ELP1: variants seen among roughly 807,000 people sequenced by gnomAD.
The protein encoded by ELP1 is elongator complex protein 1.
ELP1 carries 131 observed loss-of-function variants against 183.2 expected under a neutral mutation model. The ratio of observed to expected loss-of-function variants is 0.72; its 90% CI spans 0.62 to 0.83. The LOEUF (loss-of-function observed/expected upper bound fraction) is 0.83. Among genes scored for constraint, ELP1 ranks in the 40% least tolerant of loss-of-function variants. ELP1 has a pLI of 0.00. For synonymous variants in ELP1, 555 were observed against 569.0 expected (o/e 0.98, Z 0.35); for missense variants, 1,550 against 1,594.9 (o/e 0.97, Z 0.48).
At chr9:108,907,097 G>A (rs890298160) in intron 13 of ELP1, among the ~76,000 whole-genome samples, 8 of 152,032 alleles carry the variant, frequency 5.3e-5, no homozygotes, top group Non-Finnish European at 8.8e-5. Context: ...ATCTCTCCCC[G>A]GACTCAGGCT....
In ELP1 at chr9:108,889,322, T is replaced by A; in HGVS notation, c.3222+10A>T. On this transcript the variant is annotated intron_variant, in intron 29 of 36. Transcript: ENST00000374647. ...GACTGGGGGGTTTAGAAGGGAGGAA[T>A]TGAGTTTACCTGGGCACACTCTTCC... is the stretch of plus-strand genomic sequence containing the variant. 1.9e-6 allele frequency: 3 copies of A among 1,613,192 alleles called. No individual in the cohort carries two copies. The highest frequency in any genetic ancestry group is 1.7e-6 in the Non-Finnish European group (2 of 1,179,178).
At chr9:108,903,702 G>C in intron 14 of ELP1, 33 bp from the exon 15 acceptor site, 1 of 1,495,164 alleles carries the variant, frequency 6.7e-7, no homozygotes, top group Non-Finnish European at 9.3e-7. Context: ...AGTGTAAACA[G>C]ACCATTTTTC....
At chr9:108,876,585 C>T (rs1827715789) in intron 35 of ELP1, among the ~76,000 whole-genome samples, 1 of 152,194 alleles carries the variant, frequency 6.6e-6, no homozygotes, top group East Asian at 1.9e-4. Context: ...CTATCCACTG[C>T]TTGTGGTGCT....
At position 108,919,294 on chromosome 9, in the gene ELP1, T is replaced by TC. The variant is rs752490541; in HGVS notation, c.607dup (p.Asp203GlyfsTer33). On this transcript the variant is annotated frameshift_variant, in exon 7 of 37. Transcript: ENST00000374647. LOFTEE classifies it high-confidence loss of function. Reference sequence around the variant, plus strand: ...AACACTCACAGCAAAAAACTGTCCATCCCCCCGCCAGGTAACTTGTGGTCT... The same window carrying TC: ...AACACTCACAGCAAAAAACTGTCCATCCCCCCCGCCAGGTAACTTGTGGTCT... 1 of 1,613,258 alleles carries TC rather than the reference T, an allele frequency of 6.2e-7. No homozygotes were observed. The highest frequency in any genetic ancestry group is 8.5e-7 in the Non-Finnish European group (1 of 1,179,526).
chr9:108,930,405 T>A (rs762673158), intron 2 of ELP1, among the ~76,000 whole-genome samples: 1 of 152,192 alleles, frequency 6.6e-6, no homozygotes, highest in Non-Finnish European at 1.5e-5. Context: ...GAAAGCTCCA[T>A]GGGCAACTTT....
intron 20 of ELP1, 79 bp downstream of exon 20, chr9:108,899,743 C>T (rs926350326): frequency 1.1e-5 from 13 of 1,178,344 alleles, no homozygotes; most frequent in East Asian, 7.1e-5. Context: ...TTTAAGTTCT[C>T]GAAATTGTAA....
intron 12 of ELP1, among the ~76,000 whole-genome samples, chr9:108,908,858 C>T (rs1376739692): frequency 1.3e-5 from 2 of 152,136 alleles, no homozygotes; most frequent in African/African-American, 2.4e-5. Flanking sequence ...GAGTAAAAGC[C>T]GCAAGGCCCT....
intron 10 of ELP1, among the ~76,000 whole-genome samples, chr9:108,915,942 G>A (rs954800315): frequency 2.6e-5 from 4 of 151,678 alleles, no homozygotes; most frequent in African/African-American, 9.7e-5. Flanking sequence ...TGGCGTCCAT[G>A]GGCAATCCTA....
chr9:108,902,341 A>C (rs373615725), intron 16 of ELP1, among the ~76,000 whole-genome samples: 3 of 152,234 alleles, frequency 2.0e-5, no homozygotes, highest in African/African-American at 7.2e-5. Context: ...AGTATTCTCT[A>C]CCAGTATACT....
chr9:108,869,567 G>T (rs755448579), intron 36 of ELP1, among the ~76,000 whole-genome samples: 1 of 152,146 alleles, frequency 6.6e-6, no homozygotes, highest in Admixed American at 6.5e-5. Flanking sequence ...AATTTTTAAG[G>T]AATAGCAAAA....
At chr9:108,874,518 A>G (rs1185104293) in intron 36 of ELP1, among the ~76,000 whole-genome samples, 1 of 152,252 alleles carries the variant, frequency 6.6e-6, no homozygotes, top group Non-Finnish European at 1.5e-5. Flanking sequence ...AATGCCCCCA[A>G]GATGCAAAGC....
intron 14 of ELP1, 113 bp downstream of exon 14, chr9:108,906,190 A>G: frequency 2.0e-6 from 2 of 1,006,976 alleles, no homozygotes; most frequent in Non-Finnish European, 3.1e-6. Flanking sequence ...TCTAACAAGA[A>G]AGCTACTGCT....
Position 108,911,155 on chromosome 9 carries a change from C to T in ELP1, c.1215G>A (p.Arg405=). The part of the protein sequence containing the change: ...DGNRVLVTVF[R]QTVVPPPMCT... ...ACATGGGAGGCGGAACCACAGTCTG[C>T]CGGAAGACTGTCACCAACACCCTGT... The change falls in exon 12 of 37, where the codon CGG becomes CGA. Residue 405 remains arginine (R), a synonymous_variant. Transcript: ENST00000374647. 1 of 1,614,006 alleles carries T rather than the reference C, an allele frequency of 6.2e-7. No individual in the cohort carries two copies. Among genetic ancestry groups the T allele is most frequent in the Non-Finnish European group, 8.5e-7 (1 of 1,180,002 alleles).
intron 29 of ELP1, among the ~76,000 whole-genome samples, chr9:108,888,035 T>G (rs1328322754): frequency 6.6e-6 from 1 of 152,186 alleles, no homozygotes; most frequent in East Asian, 1.9e-4. Context: ...GTACATCAAC[T>G]GGTAAATCAA....
Position 108,903,612 on chromosome 9 carries a change from C to G in ELP1, c.1701G>C (p.Lys567Asn). The part of the protein sequence containing the change: ...IISLCCNSKT[K>N]SVVLQLADGQ... ...CATCAGCCAGCTGTAATACTACTGA[C>G]TTGGTCTTGGAATTGCAACATAGAC... Residue 567 changes from lysine to asparagine, a missense_variant, in exon 15 of 37, where the codon AAG (lysine) becomes AAC (asparagine). Physicochemically the swap from Lys to Asn is moderately conservative, Grantham distance 94 (BLOSUM62 0). Transcript: ENST00000374647. 6.2e-7 allele frequency: 1 copy of G among 1,613,958 alleles called. No homozygotes were observed. Among genetic ancestry groups the G allele is most frequent in the South Asian group, 1.1e-5 (1 of 91,074 alleles).
intron 5 of ELP1, among the ~76,000 whole-genome samples, chr9:108,925,943 G>A (rs1216456282): frequency 6.6e-6 from 1 of 152,206 alleles, no homozygotes; most frequent in Non-Finnish European, 1.5e-5. Flanking sequence ...CAAGAAGGCA[G>A]GAAGTTAGAC....
At chr9:108,924,185 A>G (rs1293271321) in intron 5 of ELP1, among the ~76,000 whole-genome samples, 2 of 152,214 alleles carry the variant, frequency 1.3e-5, no homozygotes, top group African/African-American at 4.8e-5. Flanking sequence ...TACAGCCTAC[A>G]TCTGCTTTTA....
At position 108,900,322 on chromosome 9, in the gene ELP1, T is replaced by G. The variant is rs761858315; in HGVS notation, c.2068A>C (p.Lys690Gln). Residue 690 changes from lysine to glutamine, a missense_variant, in exon 19 of 37, where the codon AAA becomes CAA. Transcript: ENST00000374647. ...NHVSHGEVLRKVERGSRIVTV... is the reference protein window; with the variant it reads ...NHVSHGEVLRQVERGSRIVTV... ...ACAATCCGTGAACCCCTCTCCACTT[T>G]CCGCAGAACTTCCCCATGGGACACA... The G allele has an allele frequency of 6.8e-6, 11 of 1,614,078 alleles. No individual in the cohort carries two copies. The highest frequency in any genetic ancestry group is 9.3e-6 in the Non-Finnish European group (11 of 1,180,032).
chr9:108,898,141 A>C (rs1828627213), intron 22 of ELP1, among the ~76,000 whole-genome samples: 1 of 152,222 alleles, frequency 6.6e-6, no homozygotes, highest in Non-Finnish European at 1.5e-5. Context: ...CTTACTGGAC[A>C]ATTCTCTCAA....
Sources: allele counts gnomAD v4.1 joint callset (sites outside exome capture counted in the v4.1 genomes callset), GRCh38; gene constraint gnomAD v4.1.1; transcripts MANE v1.5; gene names NCBI Gene and HGNC (gene_info 2026-07-23, HGNC 2026-07-21).